Variants in MRTFA observed in about 807,000 individuals in gnomAD.
The protein encoded by MRTFA is myocardin-related transcription factor A.
MRTFA carries 20 observed loss-of-function variants against 83.5 expected under a neutral mutation model. The ratio of observed to expected loss-of-function variants is 0.24; its 90% CI spans 0.17 to 0.35. The LOEUF is 0.35. Among genes scored for constraint, MRTFA ranks in the 10% least tolerant of loss-of-function variants. MRTFA has a pLI of 1.00. For missense variants in MRTFA, 1,200 were observed against 1,224.7 expected, an observed-to-expected ratio of 0.98 and a Z score of 0.30; for synonymous variants, 659 against 541.2, an observed-to-expected ratio of 1.22 and a Z score of -3.02.
chr22:40,494,870 G>A (rs143379156), intron 3 of MRTFA, among the ~76,000 whole-genome samples: 1 of 152,216 alleles, frequency 6.6e-6, no homozygotes, highest in African/African-American at 2.4e-5. Flanking sequence ...CCAAGGGCTG[G>A]GAAACAGGGA....
chr22:40,618,868 T>C (rs1397813050), intron 1 of MRTFA, among the ~76,000 whole-genome samples: 1 of 150,824 alleles, frequency 6.6e-6, no homozygotes, highest in East Asian at 2.0e-4. Flanking sequence ...GTGGCTGGGG[T>C]GGGAGAATCT....
chr22:40,443,554 C>T (rs547143949), intron 4 of MRTFA, among the ~76,000 whole-genome samples: 2 of 148,078 alleles, frequency 1.4e-5, no homozygotes, highest in Admixed American at 6.8e-5. Context: ...TGGGTACAGA[C>T]AAAAAAAAGC....
intron 3 of MRTFA, among the ~76,000 whole-genome samples, chr22:40,485,028 C>T (rs191804354): frequency 6.6e-6 from 1 of 150,906 alleles, no homozygotes; most frequent in Non-Finnish European, 1.5e-5. Flanking sequence ...GAGGAGATTG[C>T]GCCACTGCAC....
At chr22:40,429,863 A>G in intron 6 of MRTFA, 96 bp from the exon 7 acceptor site, 2 of 1,283,138 alleles carry the variant, frequency 1.6e-6, no homozygotes, top group Non-Finnish European at 2.1e-6. Context: ...CCTGGGCAAG[A>G]GGAGTGACTG....
At chr22:40,464,455 G>A (rs1345210107) in intron 3 of MRTFA, among the ~76,000 whole-genome samples, 1 of 151,328 alleles carries the variant, frequency 6.6e-6, no homozygotes, top group Non-Finnish European at 1.5e-5. Flanking sequence ...GTTGCAGTGA[G>A]CTGAGATCAT....
chr22:40,566,223 A>ATTT (rs372874080), intron 2 of MRTFA, among the ~76,000 whole-genome samples: 1 of 143,148 alleles, frequency 7.0e-6, no homozygotes, highest in Non-Finnish European at 1.5e-5. Flanking sequence ...CTGATTTATC[A>ATTT]TTTTTTTTTT....
intron 2 of MRTFA, among the ~76,000 whole-genome samples, chr22:40,554,403 A>C (rs942786884): frequency 2.6e-5 from 4 of 152,208 alleles, no homozygotes; most frequent in Non-Finnish European, 4.4e-5. Flanking sequence ...AGGTAATTGA[A>C]TAATGGGAGT....
chr22:40,412,651 T>TA (rs1243902608), intron 14 of MRTFA: 35 of 152,298 alleles, frequency 2.3e-4, no homozygotes, highest in African/African-American at 8.4e-4. Context: ...TGATTGCACT[T>TA]AGTCAAAATC....
At chr22:40,536,371 G>A (rs1466245265) in intron 3 of MRTFA, among the ~76,000 whole-genome samples, 13 of 145,158 alleles carry the variant, frequency 9.0e-5, no homozygotes, top group African/African-American at 3.1e-4. Context: ...AGCGGGCAGC[G>A]GAGCTGTCTC....
intron 1 of MRTFA, among the ~76,000 whole-genome samples, chr22:40,630,522 T>C (rs1234759076): frequency 3.3e-5 from 5 of 152,134 alleles, no homozygotes; most frequent in Non-Finnish European, 5.9e-5. Flanking sequence ...CCATTTCTAT[T>C]TCCTTTCCTT....
At chr22:40,585,445 T>C (rs1398369882) in intron 2 of MRTFA, among the ~76,000 whole-genome samples, 1 of 152,112 alleles carries the variant, frequency 6.6e-6, no homozygotes, top group Non-Finnish European at 1.5e-5. Flanking sequence ...TTAATGGGTG[T>C]AGAGTTTCCG....
intron 3 of MRTFA, among the ~76,000 whole-genome samples, chr22:40,551,392 A>G (rs2055442210): frequency 6.6e-6 from 1 of 152,036 alleles, no homozygotes; most frequent in Admixed American, 6.5e-5. Context: ...TATTTGAGAT[A>G]GAGTCTCATT....
intron 3 of MRTFA, among the ~76,000 whole-genome samples, chr22:40,531,988 C>T (rs1445544642): frequency 6.6e-6 from 1 of 152,188 alleles, no homozygotes; most frequent in Non-Finnish European, 1.5e-5. Context: ...TCCACATACA[C>T]GCTACAGCAG....
At chr22:40,588,789 C>T (rs1049247289) in intron 2 of MRTFA, among the ~76,000 whole-genome samples, 3 of 152,154 alleles carry the variant, frequency 2.0e-5, no homozygotes, top group Admixed American at 2.0e-4. Context: ...CGAGACCACC[C>T]TGGGAAACAT....
intron 5 of MRTFA, chr22:40,433,756 T>C (rs1423032000): frequency 1.3e-5 from 2 of 152,382 alleles, no homozygotes; most frequent in African/African-American, 4.8e-5. Context: ...TAGAATTAAG[T>C]AAAGCAAATT....
intron 9 of MRTFA, 43 bp downstream of exon 9, chr22:40,423,493 G>A (rs752125288): frequency 4.9e-6 from 7 of 1,422,480 alleles, no homozygotes; most frequent in Non-Finnish European, 6.5e-6. Context: ...GGACTCCAAA[G>A]GGCACAGGGA....
At chr22:40,580,592 T>C (rs979404236) in intron 2 of MRTFA, among the ~76,000 whole-genome samples, 2 of 152,198 alleles carry the variant, frequency 1.3e-5, no homozygotes, top group African/African-American at 2.4e-5. Flanking sequence ...TACTGCCATA[T>C]TTGCGTCAGA....
intron 3 of MRTFA, among the ~76,000 whole-genome samples, chr22:40,528,445 T>A (rs2147271392): frequency 6.6e-6 from 1 of 152,182 alleles, no homozygotes; most frequent in Non-Finnish European, 1.5e-5. Flanking sequence ...CCCTTAAATA[T>A]AAAACTAAGT....
At position 40,459,239 on chromosome 22, in the gene MRTFA, CAAAAAAAA is replaced by C. The variant is rs59958160; in HGVS notation, c.307+3974_307+3981del. On this transcript the variant is annotated intron_variant, in intron 4 of 14. Coordinates refer to ENST00000355630, the MANE Select transcript of MRTFA (RefSeq NM_020831.6). ...GGTTACTCACTAGGTAGGGGTCTGG[CAAAAAAAA>C]AAAAAAAAAAAAAAAAGAGCCTCGT... 1.9e-3 allele frequency among the ~76,000 whole-genome samples: 167 copies of C among 87,106 alleles called. 1 individual carries two copies. Among genetic ancestry groups the C allele is most frequent in the South Asian group, 0.011 (30 of 2,622 alleles). The allele number at this position is 87,106 out of a possible 152,430, so 57.1% of individuals were successfully genotyped here.
Sources: allele counts gnomAD v4.1 joint callset (sites outside exome capture counted in the v4.1 genomes callset), GRCh38; gene constraint gnomAD v4.1.1; transcripts MANE v1.5; gene names NCBI Gene and HGNC (gene_info 2026-07-23, HGNC 2026-07-21).